SVEP1: variants seen among roughly 807,000 people sequenced by gnomAD.
SVEP1 encodes the protein sushi, von Willebrand factor type A, EGF and pentraxin domain-containing protein 1.
In SVEP1, 164 loss-of-function variants were observed where a neutral mutation model predicts 367.3. That is an observed-to-expected ratio of 0.45 (90% CI 0.39 to 0.51). The LOEUF is 0.51. SVEP1 is among the 20% of genes least tolerant of loss of function. The pLI is 0.00. For synonymous variants in SVEP1, 1,666 were observed against 1,611.6 expected (o/e 1.03, Z -0.81); for missense variants, 4,117 against 4,425.3 (o/e 0.93, Z 1.98).
intron 5 of SVEP1, among the ~76,000 whole-genome samples, chr9:110,511,488 CTTTTTTTTTTTTTTTTTTT>C (rs199993986): frequency 0.027 from 2,099 of 77,466 alleles, 33 homozygotes; most frequent in South Asian, 0.068. Flanking sequence ...GTGTCAGTAC[CTTTTTTTTTTTTTTTTTTT>C]TTTTTTTTTT....
intron 1 of SVEP1, among the ~76,000 whole-genome samples, chr9:110,569,678 A>G (rs1178412787): frequency 6.6e-6 from 1 of 152,146 alleles, no homozygotes; most frequent in Admixed American, 6.5e-5. Context: ...TTCTCTATTT[A>G]TCTTGTGGAA....
intron 36 of SVEP1, among the ~76,000 whole-genome samples, chr9:110,413,599 T>C (rs1387194996): frequency 6.6e-6 from 1 of 151,974 alleles, no homozygotes; most frequent in Admixed American, 6.5e-5. Flanking sequence ...ATTCAATCAG[T>C]ATGAATAAAT....
At chr9:110,576,908 T>C (rs993661573) in intron 1 of SVEP1, among the ~76,000 whole-genome samples, 7 of 151,940 alleles carry the variant, frequency 4.6e-5, no homozygotes, top group Non-Finnish European at 7.4e-5. Context: ...AAATTAGACA[T>C]CTTTGTCACA....
At chr9:110,571,051 A>T (rs898941532) in intron 1 of SVEP1, among the ~76,000 whole-genome samples, 1 of 141,688 alleles carries the variant, frequency 7.1e-6, no homozygotes, top group Non-Finnish European at 1.5e-5. Flanking sequence ...ATCTCAACTC[A>T]CTGCAACCTC....
chr9:110,431,542 A>C (rs896350190), intron 32 of SVEP1, among the ~76,000 whole-genome samples: 2 of 152,176 alleles, frequency 1.3e-5, no homozygotes, highest in South Asian at 2.1e-4. Context: ...TGACTGAGGC[A>C]GAGGAAAGAT....
intron 2 of SVEP1, among the ~76,000 whole-genome samples, chr9:110,549,312 A>G (rs569436417): frequency 6.6e-6 from 1 of 152,278 alleles, no homozygotes; most frequent in South Asian, 2.1e-4. Flanking sequence ...AAGCTCTAAT[A>G]ATGATACATT....
chr9:110,459,227 T>C, intron 18 of SVEP1, 114 bp from the exon 19 acceptor site: 1 of 971,890 alleles, frequency 1.0e-6, no homozygotes, highest in Non-Finnish European at 1.5e-6. Context: ...TATAATCTCT[T>C]CCATATATTT....
Position 110,366,478 on chromosome 9 carries a change from C to T in SVEP1, c.*61G>A. Reference sequence around the variant, plus strand: ...CTTTCTTTGCATAAGTTCCAGGATGCCCAGGCACTACCGAGGAGAGATGAT... The same window carrying T: ...CTTTCTTTGCATAAGTTCCAGGATGTCCAGGCACTACCGAGGAGAGATGAT... On this transcript the variant is annotated 3_prime_UTR_variant, in exon 48 of 48. Coordinates refer to ENST00000374469, the MANE Select transcript of SVEP1 (RefSeq NM_153366.4). 1.4e-6 allele frequency: 2 copies of T among 1,469,102 alleles called. No individual in the cohort carries two copies. The highest frequency in any genetic ancestry group is 2.5e-5 in the Admixed American group (1 of 39,352). The allele number at this position is 1,469,102 out of a possible 1,614,324, so 91.0% of individuals were successfully genotyped here.
intron 36 of SVEP1, among the ~76,000 whole-genome samples, chr9:110,416,736 A>C (rs1828126550): frequency 1.3e-5 from 2 of 152,058 alleles, no homozygotes; most frequent in African/African-American, 2.4e-5. Flanking sequence ...AACAACAAAG[A>C]CAAGTTTTTA....
intron 3 of SVEP1, among the ~76,000 whole-genome samples, chr9:110,533,601 TGTGTGTGCACGCACAC>T (rs1830047127): frequency 1.9e-5 from 2 of 107,988 alleles, no homozygotes; most frequent in African/African-American, 3.3e-5. Flanking sequence ...TGTCTGTGTG[TGTGTGTGCACGCACAC>T]GTGTGTGTGT....
intron 40 of SVEP1, among the ~76,000 whole-genome samples, chr9:110,396,060 GCAC>G (rs879501092): frequency 4.6e-5 from 7 of 151,460 alleles, no homozygotes; most frequent in Non-Finnish European, 8.9e-5. Flanking sequence ...ATTCTTTTCA[GCAC>G]CACACCTATT....
intron 18 of SVEP1, among the ~76,000 whole-genome samples, chr9:110,463,128 A>G (rs766934258): frequency 2.2e-4 from 34 of 152,178 alleles, no homozygotes; most frequent in Non-Finnish European, 4.4e-4. Context: ...GCCTCCTTTT[A>G]ACTTCATCCT....
intron 3 of SVEP1, among the ~76,000 whole-genome samples, chr9:110,538,859 C>T (rs1317926228): frequency 1.3e-5 from 2 of 152,228 alleles, no homozygotes; most frequent in South Asian, 4.1e-4. Flanking sequence ...TCACTGACTA[C>T]TCTCAATGTG....
chr9:110,471,092 T>C (rs1829009778), intron 16 of SVEP1, among the ~76,000 whole-genome samples: 1 of 152,174 alleles, frequency 6.6e-6, no homozygotes, highest in Non-Finnish European at 1.5e-5. Context: ...TCAAAAAGTA[T>C]TCATTATTAT....
chr9:110,541,615 G>A (rs918033692), intron 3 of SVEP1, among the ~76,000 whole-genome samples: 2 of 151,722 alleles, frequency 1.3e-5, no homozygotes, highest in African/African-American at 2.4e-5. Flanking sequence ...CAAAATAATC[G>A]TTAATAATAA....
intron 45 of SVEP1, among the ~76,000 whole-genome samples, chr9:110,376,281 T>G (rs955551305): frequency 1.8e-4 from 23 of 125,806 alleles, no homozygotes; most frequent in African/African-American, 5.7e-4. Context: ...CCAGACCAGC[T>G]AAGGCAGCCA....
intron 3 of SVEP1, among the ~76,000 whole-genome samples, chr9:110,531,845 A>G (rs1252861168): frequency 6.6e-6 from 1 of 152,224 alleles, no homozygotes; most frequent in Non-Finnish European, 1.5e-5. Flanking sequence ...AGACACACAC[A>G]TGTGCACTAC....
chr9:110,387,590 T>C (rs926139061), intron 41 of SVEP1, 132 bp from the exon 42 acceptor site: 20 of 1,024,390 alleles, frequency 2.0e-5, no homozygotes, highest in Non-Finnish European at 2.3e-5. Flanking sequence ...AGCACAGTGA[T>C]ATTCATTGAA....
chr9:110,534,304 T>C (rs1830055145), intron 3 of SVEP1, among the ~76,000 whole-genome samples: 1 of 152,194 alleles, frequency 6.6e-6, no homozygotes, highest in African/African-American at 2.4e-5. Flanking sequence ...CTGTGTTAGT[T>C]TGCTCAGGAT....
Sources: gnomAD v4.1 joint callset for allele counts (sites outside exome capture counted in the v4.1 genomes callset) on GRCh38, gnomAD v4.1.1 for gene constraint, MANE v1.5 for transcripts, NCBI Gene and HGNC (gene_info 2026-07-23, HGNC 2026-07-21) for gene names.